Variants in FAM13B observed in about 807,000 individuals in gnomAD.
The protein encoded by FAM13B is protein FAM13B.
FAM13B carries 60 observed loss-of-function variants against 117.3 expected under a neutral mutation model. That is an observed-to-expected ratio of 0.51 (90% confidence interval 0.42 to 0.63). The LOEUF is 0.63. Among genes scored for constraint, FAM13B ranks in the 30% least tolerant of loss-of-function variants. The probability of loss-of-function intolerance (pLI) is 0.00; values close to 1 mark genes in which losing one functional copy is unlikely to be tolerated. For synonymous variants in FAM13B, 332 were observed against 356.1 expected (o/e 0.93, Z 0.76); for missense variants, 972 against 1,091.9 (o/e 0.89, Z 1.55).
chr5:137,973,404 A>C (rs1306384187), intron 10 of FAM13B, among the ~76,000 whole-genome samples: 1 of 152,088 alleles, frequency 6.6e-6, no homozygotes, highest in Non-Finnish European at 1.5e-5. Flanking sequence ...CAGGCTAGCC[A>C]TATGTAGAAA....
At chr5:138,038,413 A>G (rs573529681) in intron 1 of FAM13B, among the ~76,000 whole-genome samples, 3 of 152,296 alleles carry the variant, frequency 2.0e-5, no homozygotes, top group African/African-American at 7.2e-5. Flanking sequence ...GATTGTGACT[A>G]CTCTTGATTC....
intron 7 of FAM13B, among the ~76,000 whole-genome samples, chr5:138,000,268 G>A (rs994010573): frequency 3.9e-5 from 6 of 152,070 alleles, no homozygotes; most frequent in African/African-American, 9.7e-5. Context: ...GCATGGTGCT[G>A]CATGCCTGTA....
intron 16 of FAM13B, 124 bp from the exon 17 acceptor site, chr5:137,952,833 T>A: frequency 1.6e-6 from 1 of 608,316 alleles, no homozygotes; most frequent in Non-Finnish European, 2.8e-6. Context: ...CATCTTATTT[T>A]AATTAGATAG....
chr5:138,017,690 T>G (rs1785598818), intron 4 of FAM13B, among the ~76,000 whole-genome samples: 1 of 152,162 alleles, frequency 6.6e-6, no homozygotes, highest in Non-Finnish European at 1.5e-5. Flanking sequence ...CTACCATTAT[T>G]TTTCCTGTTC....
At chr5:137,996,163 T>C (rs1332666162) in intron 7 of FAM13B, among the ~76,000 whole-genome samples, 1 of 152,062 alleles carries the variant, frequency 6.6e-6, no homozygotes, top group Non-Finnish European at 1.5e-5. Context: ...TGAGACAGAG[T>C]CTTGCACTCT....
chr5:138,028,690 C>G (rs1789085892), intron 1 of FAM13B, among the ~76,000 whole-genome samples: 1 of 152,142 alleles, frequency 6.6e-6, no homozygotes, highest in Non-Finnish European at 1.5e-5. Context: ...CAAGACCAGC[C>G]TGGCCAACAT....
chr5:137,998,168 T>C (rs750052797), intron 7 of FAM13B, among the ~76,000 whole-genome samples: 15 of 152,240 alleles, frequency 9.9e-5, no homozygotes, highest in Non-Finnish European at 1.9e-4. Flanking sequence ...GATTCATGAA[T>C]CCTTTAATGC....
rs755981163 is a variant in FAM13B, at chr5:138,018,440, C to T, written c.232G>A (p.Asp78Asn). ...ACCAAATCCACCTCTTCTCCGCTGT[C>T]GTATCTCTGCCGAAGCCACTCCACT... ...ETVEWLRQRY[D>N]SGEEVDLVKE... Residue 78 changes from aspartate (D) to asparagine (N), a missense_variant, in exon 4 of 24, where the codon GAC (aspartate) becomes AAC (asparagine). Transcript: ENST00000689681. 3.7e-6 allele frequency: 6 copies of T among 1,614,146 alleles called. No homozygotes were observed. Among genetic ancestry groups the T allele is most frequent in the Middle Eastern group, 1.6e-4 (1 of 6,062 alleles).
upstream of FAM13B, chr5:138,036,959 G>A: frequency 7.0e-6 from 2 of 287,282 alleles, no homozygotes; most frequent in Non-Finnish European, 6.7e-6. Flanking sequence ...GGTCAAGGAT[G>A]CTGGTAAACA....
chr5:137,983,064 T>G (rs1427280148), intron 10 of FAM13B, among the ~76,000 whole-genome samples: 1 of 150,594 alleles, frequency 6.6e-6, no homozygotes, highest in Non-Finnish European at 1.5e-5. Flanking sequence ...ACCAAGGAAG[T>G]GAATAAAAAT....
rs373133046 is a variant in FAM13B at position 137,987,545 on chromosome 5, T to C, written c.962A>G (p.Asp321Gly). 1.5e-5 allele frequency: 24 copies of C among 1,613,582 alleles called. No individual in the cohort carries two copies. In the African/African-American group the frequency reaches 1.7e-4, roughly 12 times the overall value. The change falls in exon 9 of 24, where the codon GAT becomes GGT. Residue 321 changes from aspartate (D) to glycine (G), a missense_variant. Coordinates refer to ENST00000689681, the MANE Select transcript of FAM13B (RefSeq NM_001385994.1). Reference sequence around the variant, plus strand: ...ACTTTGCTGTTGTAAATTCTTAAGATCATGATCTATGCTGCTCTGAAGATC... The same window carrying C: ...ACTTTGCTGTTGTAAATTCTTAAGACCATGATCTATGCTGCTCTGAAGATC... ...LFDLQSSIDHDLKNLQQQSVV... is the reference protein window; with the variant it reads ...LFDLQSSIDHGLKNLQQQSVV...
At chr5:138,017,218 A>G (rs1785486534) in intron 4 of FAM13B, among the ~76,000 whole-genome samples, 1 of 152,244 alleles carries the variant, frequency 6.6e-6, no homozygotes, top group Admixed American at 6.5e-5. Flanking sequence ...TACAGAAAAC[A>G]TGTGTAAGAG....
chr5:137,952,809 C>T, intron 16 of FAM13B, 100 bp from the exon 17 acceptor site: 1 of 675,010 alleles, frequency 1.5e-6, no homozygotes, highest in African/African-American at 1.8e-5. Context: ...GCAAAGACTG[C>T]TCAATTCTCA....
At chr5:137,964,440 G>A (rs1287290084) in intron 10 of FAM13B, among the ~76,000 whole-genome samples, 1 of 149,060 alleles carries the variant, frequency 6.7e-6, no homozygotes, top group Non-Finnish European at 1.5e-5. Context: ...GAACCTTGGG[G>A]CCAGGCACAG....
intron 7 of FAM13B, among the ~76,000 whole-genome samples, chr5:137,990,167 T>A (rs1778257776): frequency 6.6e-6 from 1 of 152,248 alleles, no homozygotes; most frequent in Non-Finnish European, 1.5e-5. Flanking sequence ...CTTTATGTGG[T>A]GCGATCTGTT....
chr5:137,966,298 G>C (rs1485336658), intron 10 of FAM13B, among the ~76,000 whole-genome samples: 4 of 151,376 alleles, frequency 2.6e-5, no homozygotes, highest in Admixed American at 2.6e-4. Flanking sequence ...TTAGCTGGGC[G>C]TGGTGGTACA....
Position 138,018,322 on chromosome 5 carries a change from T to C in FAM13B, c.350A>G (p.His117Arg). ...EPVIPGSLHI[H>R]LMQLSQDYNN... ...GTTACCTTGAGAAAGCTGCATCAAG[T>C]GAATATGTAAACTGCCAGGGATAAC... Residue 117 changes from histidine to arginine, a missense_variant, in exon 4 of 24, where the codon CAC becomes CGC. By Grantham distance (29) the His-to-Arg change is conservative. Coordinates refer to ENST00000689681, the MANE Select transcript of FAM13B (RefSeq NM_001385994.1). 1 of 1,614,002 alleles carries C rather than the reference T, an allele frequency of 6.2e-7. No individual in the cohort carries two copies. Among genetic ancestry groups the C allele is most frequent in the African/African-American group, 1.3e-5 (1 of 75,052 alleles).
At position 138,021,052 on chromosome 5, in the gene FAM13B, A is replaced by G; in HGVS notation, c.-57T>C. ...TTACCTTTCAGTACTTAAATACCTA[A>G]GTTTAAAAAATGGCTTCTGCACCAG... On this transcript the variant is annotated 5_prime_UTR_variant, in exon 2 of 24. Coordinates refer to ENST00000689681, the MANE Select transcript of FAM13B (RefSeq NM_001385994.1). 2.4e-6 allele frequency: 3 copies of G among 1,231,576 alleles called. No individual in the cohort carries two copies. Among genetic ancestry groups the G allele is most frequent in the Non-Finnish European group, 3.0e-6 (3 of 987,900 alleles). 76.3% of individuals were successfully genotyped at this position (1,231,576 alleles called of 1,614,324 possible). A position where few individuals can be genotyped will look rare whatever the true frequency, so the allele number is the denominator to read the frequency against.
intron 7 of FAM13B, among the ~76,000 whole-genome samples, chr5:138,003,865 T>C (rs908640588): frequency 6.6e-6 from 1 of 152,216 alleles, no homozygotes; most frequent in African/African-American, 2.4e-5. Context: ...GAGCTGCCCA[T>C]GTTCTTATCT....
Sources: gnomAD v4.1 joint callset for allele counts (sites outside exome capture counted in the v4.1 genomes callset) on GRCh38, gnomAD v4.1.1 for gene constraint, MANE v1.5 for transcripts, NCBI Gene and HGNC (gene_info 2026-07-23, HGNC 2026-07-21) for gene names.